The following KIRREL1 variants were observed in gnomAD, a reference collection of about 807,000 sequenced individuals.
The protein encoded by KIRREL1 is kin of IRRE-like protein 1.
In KIRREL1, 25 loss-of-function variants were observed where a neutral mutation model predicts 83.3. That is an observed-to-expected ratio of 0.30 (90% CI 0.22 to 0.42). The LOEUF is 0.42. Among genes scored for constraint, KIRREL1 ranks in the 10% least tolerant of loss-of-function variants. KIRREL1 has a pLI of 1.00. For synonymous variants in KIRREL1, 388 were observed against 410.4 expected, an observed-to-expected ratio of 0.95 and a Z score of 0.66; for missense variants, 812 against 1,032.3, an observed-to-expected ratio of 0.79 and a Z score of 2.92.
rs373431590 is a variant in KIRREL1, at chr1:158,012,003, T to G, written c.52+18275T>G. On this transcript the variant is annotated intron_variant, in intron 1 of 14. Transcript: ENST00000359209. ...CATGACCACCAGCTGTTTCTCCCAC[T>G]TTCCCCCTCCCACTTTCCCTCAAAC... is the stretch of plus-strand genomic sequence containing the variant. 7.9e-5 allele frequency among the ~76,000 whole-genome samples: 12 copies of G among 152,258 alleles called. No homozygotes were observed. The East Asian group carries it at 1.2e-3, about 15-fold the overall frequency.
chr1:158,069,794 G>A (rs1661460724), intron 1 of KIRREL1, among the ~76,000 whole-genome samples: 1 of 152,178 alleles, frequency 6.6e-6, no homozygotes, highest in Non-Finnish European at 1.5e-5. Context: ...TGATGTCCCT[G>A]AGCCTTAGCT....
At chr1:158,010,177 G>A (rs1659632306) in intron 1 of KIRREL1, among the ~76,000 whole-genome samples, 1 of 151,976 alleles carries the variant, frequency 6.6e-6, no homozygotes, top group African/African-American at 2.4e-5. Flanking sequence ...TGGTTTATAA[G>A]CCAAGGCCAG....
chr1:158,008,159 G>A (rs1176034750), intron 1 of KIRREL1, among the ~76,000 whole-genome samples: 3 of 152,138 alleles, frequency 2.0e-5, no homozygotes, highest in Non-Finnish European at 4.4e-5. Context: ...CGGCAGCGAG[G>A]GGGGTGGGGA....
At chr1:158,051,809 C>T (rs1227556055) in intron 1 of KIRREL1, among the ~76,000 whole-genome samples, 3 of 152,190 alleles carry the variant, frequency 2.0e-5, no homozygotes, top group African/African-American at 4.8e-5. Context: ...CATCACCACA[C>T]CCTTCTTCTC....
chr1:158,091,505 G>T lies in KIRREL1; in HGVS notation c.1420G>T (p.Ala474Ser). The T allele has an allele frequency of 1.2e-6, 2 of 1,614,220 alleles. No individual in the cohort carries two copies. Among genetic ancestry groups the T allele is most frequent in the Non-Finnish European group, 8.5e-7 (1 of 1,180,032 alleles). The part of the protein sequence containing the change: ...ADFQTHYNCT[A>S]WNSFGPGTAI... ...CTTTCAGACTCACTACAACTGCACC[G>T]CCTGGAACAGCTTCGGGCCAGGCAC... is the stretch of plus-strand genomic sequence containing the variant. Residue 474 changes from alanine to serine, a missense_variant, in exon 11 of 15, where the codon GCC becomes TCC. By Grantham distance (99) the Ala-to-Ser change is moderately conservative. Transcript: ENST00000359209.
intron 1 of KIRREL1, among the ~76,000 whole-genome samples, chr1:158,021,736 G>C (rs1442242082): frequency 6.6e-6 from 1 of 152,146 alleles, no homozygotes; most frequent in Admixed American, 6.5e-5. Flanking sequence ...AGGTTCTGGG[G>C]GTGTGGCAGC....
At chr1:158,032,023 C>T (rs1440533391) in intron 1 of KIRREL1, among the ~76,000 whole-genome samples, 3 of 151,738 alleles carry the variant, frequency 2.0e-5, no homozygotes, top group Non-Finnish European at 2.9e-5. Flanking sequence ...GCTGAGCCTG[C>T]GGCTGTGATC....
At chr1:158,039,922 T>C (rs6686246) in intron 1 of KIRREL1, among the ~76,000 whole-genome samples, 27,100 of 152,172 alleles carry the variant, frequency 0.18, 2,860 homozygotes, top group African/African-American at 0.28. Flanking sequence ...TTTGTTTTGA[T>C]GTGTTTGGTT....
Position 158,015,177 on chromosome 1 carries a change from C to T in KIRREL1, c.52+21449C>T, listed in dbSNP as rs541094281. 2.0e-5 allele frequency among the ~76,000 whole-genome samples: 3 copies of T among 152,302 alleles called. No individual in the cohort carries two copies. The South Asian group carries it at 6.2e-4, about 32-fold the overall frequency. On this transcript the variant is annotated intron_variant, in intron 1 of 14. Coordinates refer to ENST00000359209, the MANE Select transcript of KIRREL1 (RefSeq NM_018240.7). ...CACCCCATCTCCTTAGGGAAATAATCTTTTGAGTCCTGCCATACCTTCAGT... is the reference window on the plus strand; with the variant it reads ...CACCCCATCTCCTTAGGGAAATAATTTTTTGAGTCCTGCCATACCTTCAGT...
At position 158,096,874 on chromosome 1, in the gene KIRREL1, T is replaced by A. The variant is rs753811048; in HGVS notation, c.*1754T>A. ...AGTTCCCAAAATGTTCCTCGCCCTTTCTCCGTGGTCACCATTCATAATTCA... is the reference window on the plus strand; with the variant it reads ...AGTTCCCAAAATGTTCCTCGCCCTTACTCCGTGGTCACCATTCATAATTCA... On this transcript the variant is annotated 3_prime_UTR_variant, in exon 15 of 15. Coordinates refer to ENST00000359209, the MANE Select transcript of KIRREL1 (RefSeq NM_018240.7). The A allele has an allele frequency of 6.1e-5, 28 of 456,608 alleles. No homozygotes were observed. The highest frequency in any genetic ancestry group is 1.1e-4 in the Non-Finnish European group (26 of 226,988). 28.3% of individuals were successfully genotyped at this position (456,608 alleles called of 1,614,324 possible). A position where few individuals can be genotyped will look rare whatever the true frequency, so the allele number is the denominator to read the frequency against.
At chr1:158,038,007 G>A (rs1660522443) in intron 1 of KIRREL1, among the ~76,000 whole-genome samples, 2 of 152,224 alleles carry the variant, frequency 1.3e-5, no homozygotes, top group South Asian at 4.1e-4. Flanking sequence ...GGCAGGACCA[G>A]CCTGCCAGCG....
chr1:158,015,537 G>C (rs139766228), intron 1 of KIRREL1, among the ~76,000 whole-genome samples: 3 of 152,308 alleles, frequency 2.0e-5, no homozygotes, highest in Non-Finnish European at 4.4e-5. Flanking sequence ...GAACAGCCCT[G>C]TGAGACTCCT....
At chr1:158,069,342 G>A (rs914031239) in intron 1 of KIRREL1, among the ~76,000 whole-genome samples, 1 of 136,878 alleles carries the variant, frequency 7.3e-6, no homozygotes, top group African/African-American at 2.7e-5. Flanking sequence ...GTGTGTGTGT[G>A]TGAATCTAAG....
intron 1 of KIRREL1, among the ~76,000 whole-genome samples, chr1:158,059,386 G>A (rs1661151732): frequency 6.6e-6 from 1 of 152,172 alleles, no homozygotes; most frequent in Admixed American, 6.5e-5. Flanking sequence ...AGGGGAGAAC[G>A]CTCTGGGTGT....
At chr1:158,084,289 TA>T (rs1661955099) in intron 3 of KIRREL1, 132 bp from the exon 4 acceptor site, 1 of 748,694 alleles carries the variant, frequency 1.3e-6, no homozygotes, top group Admixed American at 3.1e-5. Context: ...GGTTGTAGAT[TA>T]GGGGGTAGGG....
chr1:158,029,382 T>C (rs1660262812), intron 1 of KIRREL1, among the ~76,000 whole-genome samples: 1 of 89,568 alleles, frequency 1.1e-5, no homozygotes, highest in Non-Finnish European at 2.5e-5. Context: ...TGCGCGCGCA[T>C]GCACACATGC....
At chr1:158,042,310 C>T (rs559289553) in intron 1 of KIRREL1, among the ~76,000 whole-genome samples, 3 of 151,948 alleles carry the variant, frequency 2.0e-5, no homozygotes, top group Admixed American at 6.6e-5. Context: ...AAGGGGGGCC[C>T]GGCCTAGATG....
intron 1 of KIRREL1, among the ~76,000 whole-genome samples, chr1:158,012,745 C>A (rs905412158): frequency 4.6e-5 from 7 of 152,256 alleles, no homozygotes; most frequent in Non-Finnish European, 5.9e-5. Context: ...CAAGGGCCTT[C>A]TTTGTCTCAG....
chr1:158,051,123 G>C (rs570522482), intron 1 of KIRREL1, among the ~76,000 whole-genome samples: 1 of 152,214 alleles, frequency 6.6e-6, no homozygotes, highest in Non-Finnish European at 1.5e-5. Context: ...TGTTCTGATG[G>C]TGGACGTGGT....
Sources: gnomAD v4.1 joint callset for allele counts (sites outside exome capture counted in the v4.1 genomes callset) on GRCh38, gnomAD v4.1.1 for gene constraint, MANE v1.5 for transcripts, NCBI Gene and HGNC (gene_info 2026-07-23, HGNC 2026-07-21) for gene names.